The following PSTPIP1 variants were observed in gnomAD, a reference collection of about 807,000 sequenced individuals.
The protein encoded by PSTPIP1 is proline-serine-threonine phosphatase-interacting protein 1.
In PSTPIP1, 66 loss-of-function variants were observed where a neutral mutation model predicts 69.6. The ratio of observed to expected loss-of-function variants is 0.95; its 90% CI spans 0.78 to 1.16. The LOEUF (loss-of-function observed/expected upper bound fraction) is 1.16, where lower values mean the gene tolerates loss of function less well. PSTPIP1 is among the 50% of genes most tolerant of loss of function. The pLI is 0.00. For synonymous variants in PSTPIP1, 266 were observed against 222.7 expected, an observed-to-expected ratio of 1.19 and a Z score of -1.73; for missense variants, 603 against 557.4, an observed-to-expected ratio of 1.08 and a Z score of -0.82.
chr15:77,006,035 T>C (rs974411883), intron 1 of PSTPIP1, among the ~76,000 whole-genome samples: 2 of 152,226 alleles, frequency 1.3e-5, no homozygotes, highest in African/African-American at 2.4e-5. Context: ...GGTAATCCTA[T>C]GTTTAACTTT....
intron 12 of PSTPIP1, among the ~76,000 whole-genome samples, chr15:77,033,817 G>GA (rs1323676595): frequency 1.2e-5 from 1 of 86,800 alleles, no homozygotes; most frequent in Non-Finnish European, 2.7e-5. Flanking sequence ...CGTGCTTAGA[G>GA]AGGGCACACA....
rs543545110 is a variant in PSTPIP1, at chr15:76,999,730, C to T, written c.36+4121C>T. On this transcript the variant is annotated intron_variant, in intron 1 of 14. Transcript: ENST00000558012. ...CCTGAAGGAAGCCATAGTTCAGTGC[C>T]GGGGCTGGAGGAATAACTGGGTCAG... 4.6e-5 allele frequency: 7 copies of T among 152,332 alleles called. 1 individual carries two copies. Among genetic ancestry groups the T allele is most frequent in the South Asian group, 4.1e-4 (2 of 4,832 alleles). 9.4% of individuals were successfully genotyped at this position (152,332 alleles called of 1,614,324 possible).
chr15:77,012,335 G>T, intron 1 of PSTPIP1, among the ~76,000 whole-genome samples: 1 of 108,148 alleles, frequency 9.2e-6, no homozygotes, highest in East Asian at 2.7e-4. Context: ...CCCTCCATTT[G>T]TCCACCTGTC....
At chr15:77,016,049 A>T in intron 1 of PSTPIP1, 1 of 456,134 alleles carries the variant, frequency 2.2e-6, no homozygotes, top group Non-Finnish European at 4.4e-6. Flanking sequence ...AGGACAGGAG[A>T]AGGGTTCCCT....
chr15:77,010,938 G>A lies in PSTPIP1; in HGVS notation c.37-7210G>A, dbSNP rs569767739. 1.4e-4 allele frequency among the ~76,000 whole-genome samples: 22 copies of A among 152,194 alleles called. 1 individual carries two copies. The South Asian group carries it at 3.7e-3, about 26-fold the overall frequency. The stretch of plus-strand genomic sequence containing the variant: ...TGGGATTTCAGTTGTGAGCCACCAC[G>A]TCCAGCCCTCTCTCTCTTTTCTGCA... On this transcript the variant is annotated intron_variant, in intron 1 of 14. Transcript: ENST00000558012.
intron 12 of PSTPIP1, among the ~76,000 whole-genome samples, chr15:77,034,512 C>T (rs922436428): frequency 6.6e-6 from 1 of 152,022 alleles, no homozygotes; most frequent in East Asian, 1.9e-4. Context: ...TGGCTCAGCC[C>T]CTCACCTGCA....
intron 6 of PSTPIP1, 94 bp from the exon 7 acceptor site, chr15:77,028,460 G>A (rs1217592106): frequency 8.8e-7 from 1 of 1,131,202 alleles, no homozygotes; most frequent in African/African-American, 1.6e-5. Context: ...ACCCTCGCCA[G>A]GGAAAAAGGG....
chr15:76,995,496 C>T lies in PSTPIP1; in HGVS notation c.-78C>T, dbSNP rs371644004. ...TGGGCCAGCCCTGCCAGGACTGGGACGCTGCTGCTGGCGCCTGGCCCTCCA... is the reference window on the plus strand; with the variant it reads ...TGGGCCAGCCCTGCCAGGACTGGGATGCTGCTGCTGGCGCCTGGCCCTCCA... On this transcript the variant is annotated 5_prime_UTR_variant, in exon 1 of 15. It adds an upstream start codon to the 5' untranslated region. Transcript: ENST00000558012. 4.3e-5 allele frequency: 69 copies of T among 1,610,374 alleles called. 1 individual carries two copies. Among genetic ancestry groups the T allele is most frequent in the East Asian group, 3.1e-4 (14 of 44,818 alleles).
chr15:77,005,910 T>C (rs1200528669), intron 1 of PSTPIP1, among the ~76,000 whole-genome samples: 1 of 152,238 alleles, frequency 6.6e-6, no homozygotes, highest in African/African-American at 2.4e-5. Context: ...ACTGGGCTGT[T>C]TCTTTGAGCT....
chr15:77,016,162 T>G (rs2152677441), intron 1 of PSTPIP1, among the ~76,000 whole-genome samples: 1 of 152,328 alleles, frequency 6.6e-6, no homozygotes, highest in Middle Eastern at 3.4e-3. Context: ...GTCCTGACTC[T>G]GCAGCGTCAA....
Position 77,013,426 on chromosome 15 carries a change from G to A in PSTPIP1, c.37-4722G>A, listed in dbSNP as rs372733304. Reference sequence around the variant, plus strand: ...CTCCATGGGGGGGTGGTGGGGCACAGGCCGTGACTGTAAAGGGGAGAAACA... The same window carrying A: ...CTCCATGGGGGGGTGGTGGGGCACAAGCCGTGACTGTAAAGGGGAGAAACA... On this transcript the variant is annotated intron_variant, in intron 1 of 14. Transcript: ENST00000558012. Among the ~76,000 whole-genome samples, 341 of 152,288 alleles carry A rather than the reference G, an allele frequency of 2.2e-3. 1 individual carries two copies. Among genetic ancestry groups the A allele is most frequent in the South Asian group, 8.9e-3 (43 of 4,824 alleles).
chr15:76,999,324 G>A (rs1423838793), intron 1 of PSTPIP1: 2 of 151,474 alleles, frequency 1.3e-5, no homozygotes, highest in African/African-American at 2.4e-5. Flanking sequence ...TGTCACCCAG[G>A]CTGGAGGGCA....
chr15:77,026,101 C>G (rs756920835), intron 5 of PSTPIP1: 1 of 456,232 alleles, frequency 2.2e-6, no homozygotes, highest in South Asian at 1.5e-5. Context: ...AAAGGTACTT[C>G]TCACCCATAT....
At chr15:77,009,557 T>C (rs1278987102) in intron 1 of PSTPIP1, among the ~76,000 whole-genome samples, 2 of 152,186 alleles carry the variant, frequency 1.3e-5, no homozygotes, top group East Asian at 3.8e-4. Context: ...CCAGTTCTCC[T>C]TGTAAACGCC....
chr15:77,025,548 G>T lies in PSTPIP1; in HGVS notation c.298G>T (p.Glu100Ter). 1 of 1,555,094 alleles carries T rather than the reference G, an allele frequency of 6.4e-7. No homozygotes were observed. Residue 100 changes from glutamate (E) to a stop codon, truncating the protein, a stop_gained, in exon 5 of 15, where the codon GAG becomes TAG. Coordinates refer to ENST00000558012, the MANE Select transcript of PSTPIP1 (RefSeq NM_003978.5). LOFTEE classifies it high-confidence loss of function. ...CATCCAGCTGGCCCTGACCCTGCGT[G>T]AGGAGCTGCGGAGTCTCGAGGAGTT... ...SHIQLALTLR[E>*]ELRSLEEFRE...
At chr15:77,028,873 G>T (rs2152686311) in intron 7 of PSTPIP1, among the ~76,000 whole-genome samples, 1 of 152,364 alleles carries the variant, frequency 6.6e-6, no homozygotes, top group East Asian at 1.9e-4. Flanking sequence ...CCGTCAGGCG[G>T]CACTCAGGGA....
Position 77,032,406 on chromosome 15 carries a change from C to A in PSTPIP1, c.838+12C>A. ...CACAGAGCCCCCCGGTGAGGTCCGG[C>A]TTGCGGACAGCGCAGCCTCTAGGTG... On this transcript the variant is annotated intron_variant, in intron 11 of 14. Coordinates refer to ENST00000558012, the MANE Select transcript of PSTPIP1 (RefSeq NM_003978.5). 2.5e-6 allele frequency: 4 copies of A among 1,612,320 alleles called. No individual in the cohort carries two copies. Among genetic ancestry groups the A allele is most frequent in the Non-Finnish European group, 3.4e-6 (4 of 1,179,554 alleles).
At chr15:77,035,218 G>C (rs926427967) in intron 12 of PSTPIP1, among the ~76,000 whole-genome samples, 1 of 152,182 alleles carries the variant, frequency 6.6e-6, no homozygotes, top group Admixed American at 6.5e-5. Context: ...AGCTTCGGGG[G>C]TTCTAGGATC....
At chr15:77,016,706 G>A (rs955025608) in intron 1 of PSTPIP1, among the ~76,000 whole-genome samples, 1 of 151,746 alleles carries the variant, frequency 6.6e-6, no homozygotes, top group Admixed American at 6.6e-5. Flanking sequence ...GGGAGGGGGG[G>A]CACTGTTGGG....
Sources: allele counts gnomAD v4.1 joint callset (sites outside exome capture counted in the v4.1 genomes callset), GRCh38; gene constraint gnomAD v4.1.1; transcripts MANE v1.5; gene names NCBI Gene and HGNC (gene_info 2026-07-23, HGNC 2026-07-21).